The following PEG3 variants were observed in gnomAD, a reference collection of about 807,000 sequenced individuals.
PEG3 encodes the protein paternally expressed 3.
Under a neutral mutation model 35.5 loss-of-function variants are expected in PEG3, and 23 were observed. That is an observed-to-expected ratio of 0.65 (90% CI 0.47 to 0.92). The LOEUF is 0.92. Ranked by LOEUF, PEG3 falls within the 40% of genes least tolerant of loss-of-function variation. The probability of loss-of-function intolerance (pLI) is 0.00; values close to 1 mark genes in which losing one functional copy is unlikely to be tolerated. For missense variants in PEG3, 1,960 were observed against 1,985.3 expected (o/e 0.99, Z 0.24); for synonymous variants, 707 against 697.0 (o/e 1.01, Z -0.23).
chr19:56,825,967 G>T (rs2060988084), intron 3 of PEG3, among the ~76,000 whole-genome samples: 1 of 152,098 alleles, frequency 6.6e-6, no homozygotes, highest in South Asian at 2.1e-4. Flanking sequence ...TATGCAAACT[G>T]CCCTCCCACG....
At position 56,817,483 on chromosome 19, in the gene PEG3, T is replaced by G. The variant is rs751539114; in HGVS notation, c.959A>C (p.Lys320Thr). 7.4e-6 allele frequency: 12 copies of G among 1,612,316 alleles called. No individual in the cohort carries two copies. The highest frequency in any genetic ancestry group is 2.7e-5 in the African/African-American group (2 of 74,824). Residue 320 changes from lysine (K) to threonine (T), a missense_variant, in exon 10 of 10, where the codon AAG (lysine) becomes ACG (threonine). Coordinates refer to ENST00000326441, the MANE Select transcript of PEG3 (RefSeq NM_006210.3). ...CGATTTGGAACTGCGTGACACATCC[T>G]TGATGAATTTTTCCATTATCACTCC... ...SHGVIMEKFIKDVSRSSKSGR... is the reference protein window; with the variant it reads ...SHGVIMEKFITDVSRSSKSGR...
Position 56,813,938 on chromosome 19 carries a change from C to A in PEG3, c.4504G>T (p.Glu1502Ter). ...EGEDQEIQVE[E>*]PYYDCHECTE... Reference sequence around the variant, plus strand: ...CATTCATGGCAGTCATAGTATGGTTCTTCTACCTGAATCTCTTGATCTTCA... The same window carrying A: ...CATTCATGGCAGTCATAGTATGGTTATTCTACCTGAATCTCTTGATCTTCA... Residue 1502 changes from glutamate (E) to a stop codon, truncating the protein, a stop_gained, in exon 10 of 10, where the codon GAA (glutamate) becomes TAA (stop). Coordinates refer to ENST00000326441, the MANE Select transcript of PEG3 (RefSeq NM_006210.3). LOFTEE classifies it low-confidence loss of function (END_TRUNC). The A allele has an allele frequency of 6.2e-7, 1 of 1,614,160 alleles. No homozygotes were observed. The highest frequency in any genetic ancestry group is 8.5e-7 in the Non-Finnish European group (1 of 1,180,020).
chr19:56,810,887 T>A lies in PEG3; in HGVS notation c.*2788A>T, dbSNP rs2059492101. ...TCTGGGTATGTATTATGCACACCAA[T>A]GGAGACACACATAATACACTGTTAT... On this transcript the variant is annotated 3_prime_UTR_variant, in exon 10 of 10. Coordinates refer to ENST00000326441, the MANE Select transcript of PEG3 (RefSeq NM_006210.3). 1.0e-6 allele frequency: 1 copy of A among 962,804 alleles called. No homozygotes were observed. Among genetic ancestry groups the A allele is most frequent in the African/African-American group, 1.8e-5 (1 of 56,696 alleles). 59.6% of individuals were successfully genotyped at this position (962,804 alleles called of 1,614,324 possible).
intron 7 of PEG3, among the ~76,000 whole-genome samples, chr19:56,819,012 T>C (rs149840937): frequency 6.6e-6 from 1 of 152,270 alleles, no homozygotes; most frequent in South Asian, 2.1e-4. Context: ...GGGGTACAGA[T>C]AGTAAGTGCT....
chr19:56,833,726 G>T (rs1032528475), intron 2 of PEG3: 18 of 158,232 alleles, frequency 1.1e-4, no homozygotes, highest in Admixed American at 1.0e-3. Flanking sequence ...TGTTCTTTGA[G>T]AACCACTGCT....
rs541846048 is a variant in PEG3 at position 56,811,019 on chromosome 19, T to C, written c.*2656A>G. 275 of 973,524 alleles carry C rather than the reference T, an allele frequency of 2.8e-4. No individual in the cohort carries two copies. Among genetic ancestry groups the C allele is most frequent in the Middle Eastern group, 2.6e-3 (5 of 1,892 alleles). The allele number at this position is 973,524 out of a possible 1,614,324, so 60.3% of individuals were successfully genotyped here. A position where few individuals can be genotyped will look rare whatever the true frequency, so the allele number is the denominator to read the frequency against. On this transcript the variant is annotated 3_prime_UTR_variant, in exon 10 of 10. Coordinates refer to ENST00000326441, the MANE Select transcript of PEG3 (RefSeq NM_006210.3). The stretch of plus-strand genomic sequence containing the variant: ...ATTTTGAATATACATTTTGACACAG[T>C]TATAATCATAAACCTGTGCACAGAA...
chr19:56,813,710 A>G lies in PEG3; in HGVS notation c.4732T>C (p.Ser1578Pro). 1.2e-6 allele frequency: 2 copies of G among 1,614,010 alleles called. No individual in the cohort carries two copies. Among genetic ancestry groups the G allele is most frequent in the Non-Finnish European group, 1.7e-6 (2 of 1,179,934 alleles). Reference protein sequence around the residue: ...VCGQLFNDRLSLARHQNTHTG With the variant: ...VCGQLFNDRLPLARHQNTHTG ...TGGGTATTCTGGTGTCTGGCGAGGG[A>G]CAGGCGGTCATTGAAGAGCTGCCCA... The change falls in exon 10 of 10, where the codon TCC (serine) becomes CCC (proline). Residue 1578 changes from serine to proline, a missense_variant. Coordinates refer to ENST00000326441, the MANE Select transcript of PEG3 (RefSeq NM_006210.3).
intron 2 of PEG3, among the ~76,000 whole-genome samples, chr19:56,831,200 T>C (rs1405269217): frequency 6.6e-6 from 1 of 152,208 alleles, no homozygotes; most frequent in Non-Finnish European, 1.5e-5. Context: ...TTTTTTCCAA[T>C]ATAAGGATAT....
rs901630265 is a variant in PEG3, at chr19:56,810,592, C to G, written c.*3083G>C. ...TGTATTATATTTGTAATGGAAAATA[C>G]ATACATAAAATTTATTACCAAAACA... On this transcript the variant is annotated 3_prime_UTR_variant, in exon 10 of 10. Transcript: ENST00000326441. The G allele has an allele frequency of 1.1e-6, 1 of 930,474 alleles. No homozygotes were observed. 57.6% of individuals were successfully genotyped at this position (930,474 alleles called of 1,614,324 possible).
At chr19:56,817,924 C>A in intron 8 of PEG3, 89 bp from the exon 9 acceptor site, 2 of 1,046,384 alleles carry the variant, frequency 1.9e-6, no homozygotes, top group Non-Finnish European at 2.9e-6. Flanking sequence ...TTTCACTGAG[C>A]CACTAAATAT....
intron 2 of PEG3, 36 bp downstream of exon 2, chr19:56,835,982 A>C (rs768663846): frequency 2.0e-6 from 1 of 504,156 alleles, no homozygotes; most frequent in South Asian, 1.5e-5. Context: ...CACTCCAAAG[A>C]TGAATGTGGC....
At position 56,816,362 on chromosome 19, in the gene PEG3, A is replaced by G; in HGVS notation, c.2080T>C (p.Phe694Leu). ...LCDFTDGRDA[F>L]MQSSELSEHQ... Reference sequence around the variant, plus strand: ...TCACTGAGCTCTGAGCTTTGCATGAAGGCATCCCGGCCATCTGTAAAGTCA... The same window carrying G: ...TCACTGAGCTCTGAGCTTTGCATGAGGGCATCCCGGCCATCTGTAAAGTCA... The change falls in exon 10 of 10, where the codon TTC becomes CTC. Residue 694 changes from phenylalanine (F) to leucine (L), a missense_variant. By Grantham distance (22) the Phe-to-Leu change is conservative. Coordinates refer to ENST00000326441, the MANE Select transcript of PEG3 (RefSeq NM_006210.3). 1.2e-6 allele frequency: 2 copies of G among 1,614,170 alleles called. No homozygotes were observed. Among genetic ancestry groups the G allele is most frequent in the Non-Finnish European group, 1.7e-6 (2 of 1,180,016 alleles).
At position 56,813,991 on chromosome 19, in the gene PEG3, C is replaced by T; in HGVS notation, c.4451G>A (p.Gly1484Asp). 6.2e-7 allele frequency: 1 copy of T among 1,614,150 alleles called. No individual in the cohort carries two copies. The highest frequency in any genetic ancestry group is 1.3e-5 in the African/African-American group (1 of 75,056). The change falls in exon 10 of 10, where the codon GGT (glycine) becomes GAT (aspartate). Residue 1484 changes from glycine to aspartate, a missense_variant. Physicochemically the swap from Gly to Asp is moderately conservative, Grantham distance 94 (BLOSUM62 -1). Transcript: ENST00000326441. ...TTCTTCTGGGTCTTCAATTCCCACA[C>T]CGTCAGGCTCGTCGGCATCTCCCTC... The part of the protein sequence containing the change: ...EPEGDADEPD[G>D]VGIEDPEEGE...
At chr19:56,836,740 G>A (rs968739315) in intron 1 of PEG3, among the ~76,000 whole-genome samples, 2 of 152,252 alleles carry the variant, frequency 1.3e-5, no homozygotes, top group East Asian at 3.9e-4. Flanking sequence ...AGGCCAAGGC[G>A]GGCAGATCAC....
chr19:56,822,580 G>A (rs760478200), intron 6 of PEG3, 173 bp downstream of exon 6: 2 of 758,142 alleles, frequency 2.6e-6, no homozygotes, highest in Non-Finnish European at 4.2e-6. Context: ...AACCTGTGCT[G>A]GTGGTACCGA....
rs552175853 is a variant in PEG3 at position 56,840,055 on chromosome 19, C to G, written c.-250+527G>C. On this transcript the variant is annotated intron_variant, in intron 1 of 9. Coordinates refer to ENST00000326441, the MANE Select transcript of PEG3 (RefSeq NM_006210.3). The stretch of plus-strand genomic sequence containing the variant: ...CCCGCCCCCAGAGGGTAGCCGGGCA[C>G]GCCGGCGCCGCGAGGCCGATGGCAC... 1.1e-4 allele frequency among the ~76,000 whole-genome samples: 16 copies of G among 152,234 alleles called. No homozygotes were observed. In the East Asian group the frequency reaches 1.2e-3, roughly 11 times the overall value.
chr19:56,822,468 G>T, intron 6 of PEG3: 1 of 369,774 alleles, frequency 2.7e-6, no homozygotes, highest in South Asian at 5.7e-5. Flanking sequence ...TTTTTGCAGT[G>T]GCATAGTCTT....
chr19:56,825,951 C>T (rs1421243781), intron 3 of PEG3, among the ~76,000 whole-genome samples: 1 of 152,136 alleles, frequency 6.6e-6, no homozygotes, highest in Non-Finnish European at 1.5e-5. Flanking sequence ...CTCCCACTTC[C>T]CTCCCTATGC....
Position 56,817,537 on chromosome 19 carries a change from C to T in PEG3, c.905G>A (p.Arg302Gln), listed in dbSNP as rs549894601. 55 of 1,599,228 alleles carry T rather than the reference C, an allele frequency of 3.4e-5. No individual in the cohort carries two copies. Among genetic ancestry groups the T allele is most frequent in the East Asian group, 2.0e-4 (9 of 44,668 alleles). Reference sequence around the variant, plus strand: ...GGAAGATTCATCTTCACAAATCCCCCGCCGGTGGGTTGATTTTTTGGCTTC... The same window carrying T: ...GGAAGATTCATCTTCACAAATCCCCTGCCGGTGGGTTGATTTTTTGGCTTC... Reference protein sequence around the residue: ...MPEAKKSTHRRGICEDESSHG... With the variant: ...MPEAKKSTHRQGICEDESSHG... The change falls in exon 10 of 10, where the codon CGG (arginine) becomes CAG (glutamine). Residue 302 changes from arginine (R) to glutamine (Q), a missense_variant. Around this residue, in one of 5 missense-constraint regions of PEG3, gnomAD observed 613 missense variants for 577.1 expected, o/e 1.06. Transcript: ENST00000326441.
Sources: allele counts gnomAD v4.1 joint callset (sites outside exome capture counted in the v4.1 genomes callset), GRCh38; gene constraint gnomAD v4.1.1; regional missense constraint gnomAD v4.1.1; transcripts MANE v1.5; gene names NCBI Gene and HGNC (gene_info 2026-07-23, HGNC 2026-07-21).